The following ABCC11 variants were observed in gnomAD, a reference collection of about 807,000 sequenced individuals.
The protein encoded by ABCC11 is ATP-binding cassette sub-family C member 11.
ABCC11 carries 135 observed loss-of-function variants against 149.3 expected under a neutral mutation model. The observed-to-expected ratio is 0.90, with a 90% CI of 0.79 to 1.04. The LOEUF is 1.04. Among genes scored for constraint, ABCC11 ranks in the 50% least tolerant of loss-of-function variants. The pLI is 0.00. For missense variants in ABCC11, 1,680 were observed against 1,722.1 expected, an observed-to-expected ratio of 0.98 and a Z score of 0.43; for synonymous variants, 665 against 671.4, an observed-to-expected ratio of 0.99 and a Z score of 0.15.
At position 48,178,681 on chromosome 16, in the gene ABCC11, C is replaced by G. The variant is rs138522850; in HGVS notation, c.3264G>C (p.Ala1088=). 8 of 1,614,150 alleles carry G rather than the reference C, an allele frequency of 5.0e-6. No individual in the cohort carries two copies. Among genetic ancestry groups the G allele is most frequent in the Non-Finnish European group, 6.8e-6 (8 of 1,180,006 alleles). ...VMAVNIVLQL[A]SSFQATARIG... The stretch of plus-strand genomic sequence containing the variant: ...TCCGGGCAGTGGCCTGGAAGCTGGA[C>G]GCCAGCTAGAAGGAAGGAGAAGTAT... The change falls in exon 24 of 30, where the codon GCG becomes GCC. Residue 1088 remains alanine, a synonymous_variant. Coordinates refer to ENST00000356608, the MANE Select transcript of ABCC11 (RefSeq NM_001370497.1).
chr16:48,205,276 A>G, intron 13 of ABCC11, 137 bp downstream of exon 13: 2 of 1,283,016 alleles, frequency 1.6e-6, no homozygotes, highest in East Asian at 2.5e-5. Flanking sequence ...TTTCTTTCAC[A>G]GTGAGGGGTG....
intron 28 of ABCC11, 92 bp downstream of exon 28, chr16:48,170,013 C>T: frequency 1.1e-6 from 1 of 917,826 alleles, no homozygotes; most frequent in Admixed American, 2.1e-5. Flanking sequence ...GCCCAGTGTC[C>T]CACGGTAGTG....
rs200450927 is a variant in ABCC11, at chr16:48,184,480, G to T, written c.3218C>A (p.Pro1073His). 2.5e-6 allele frequency: 4 copies of T among 1,614,210 alleles called. No individual in the cohort carries two copies. Among genetic ancestry groups the T allele is most frequent in the Admixed American group, 3.3e-5 (2 of 60,032 alleles). ...LFVAFGISST[P>H]YSFKVMAVNI... ...GACAGCCATGACTTTAAAGGAGTAGGGGGTGGAGGAAATGCCAAAAGCCAC... is the reference window on the plus strand; with the variant it reads ...GACAGCCATGACTTTAAAGGAGTAGTGGGTGGAGGAAATGCCAAAAGCCAC... Residue 1073 changes from proline to histidine, a missense_variant, in exon 23 of 30, where the codon CCC (proline) becomes CAC (histidine). Transcript: ENST00000356608.
intron 1 of ABCC11, among the ~76,000 whole-genome samples, chr16:48,235,514 G>A (rs1221550179): frequency 1.3e-5 from 2 of 152,146 alleles, no homozygotes; most frequent in Admixed American, 6.5e-5. Context: ...AACATCAGTC[G>A]CTCATCCCAA....
intron 19 of ABCC11, 120 bp from the exon 20 acceptor site, chr16:48,192,837 C>T: frequency 4.1e-6 from 4 of 976,294 alleles, no homozygotes; most frequent in Non-Finnish European, 6.3e-6. Context: ...GCTGTTTGCC[C>T]AAACCTCCCT....
intron 1 of ABCC11, among the ~76,000 whole-genome samples, chr16:48,246,307 T>C (rs1971382898): frequency 6.6e-6 from 1 of 152,200 alleles, no homozygotes; most frequent in Non-Finnish European, 1.5e-5. Flanking sequence ...TTTGATAAAT[T>C]GTATTGGATT....
intron 2 of ABCC11, among the ~76,000 whole-genome samples, chr16:48,231,118 A>G (rs1193357138): frequency 1.3e-5 from 2 of 152,098 alleles, no homozygotes; most frequent in East Asian, 1.9e-4. Flanking sequence ...GGGGAATGAC[A>G]TGGGGGAAGA....
intron 1 of ABCC11, among the ~76,000 whole-genome samples, chr16:48,240,563 C>T (rs1240419430): frequency 6.6e-6 from 1 of 152,066 alleles, no homozygotes; most frequent in African/African-American, 2.4e-5. Context: ...GGAAGAAAAG[C>T]TAATGGATGC....
At chr16:48,197,822 C>G in intron 17 of ABCC11, 149 bp downstream of exon 17, 2 of 805,878 alleles carry the variant, frequency 2.5e-6, no homozygotes, top group South Asian at 3.5e-5. Flanking sequence ...CCCTCAACTA[C>G]TTGGTTCTGG....
At position 48,227,914 on chromosome 16, in the gene ABCC11, G is replaced by A. The variant is rs200527538; in HGVS notation, c.287C>T (p.Thr96Ile). Residue 96 changes from threonine (T) to isoleucine (I), a missense_variant, in exon 4 of 30, where the codon ACC (threonine) becomes ATC (isoleucine). Coordinates refer to ENST00000356608, the MANE Select transcript of ABCC11 (RefSeq NM_001370497.1). ...LDNAGLFSYL[T>I]VSWLTPLMIQ... is the part of the protein sequence containing the mutation. ...CATGAGCGGGGTGAGCCATGACACG[G>A]TGAGGTAGGAGAACAGGCCAGCATT... The A allele has an allele frequency of 3.1e-6, 5 of 1,614,120 alleles. No individual in the cohort carries two copies. In the African/African-American group the frequency reaches 5.3e-5, roughly 17 times the overall value.
At chr16:48,204,074 T>C (rs1481063384) in intron 13 of ABCC11, among the ~76,000 whole-genome samples, 1 of 152,266 alleles carries the variant, frequency 6.6e-6, no homozygotes, top group Admixed American at 6.5e-5. Context: ...CTTTTGCTCC[T>C]GTGAGCAATG....
At position 48,177,087 on chromosome 16, in the gene ABCC11, G is replaced by A. The variant is rs774525466; in HGVS notation, c.3375C>T (p.His1125=). ...MKMCVSEAPL[H]MEGTSCPQGW... is the part of the protein sequence containing the mutation. The stretch of plus-strand genomic sequence containing the variant: ...CCTGGGGACAACTTGTGCCTTCCAT[G>A]TGTAAAGGAGCTTCCGAGACACACA... The change falls in exon 25 of 30, where the codon CAC becomes CAT. Residue 1125 remains histidine (H), a synonymous_variant. Transcript: ENST00000356608. 1.9e-6 allele frequency: 3 copies of A among 1,612,414 alleles called. No individual in the cohort carries two copies. The South Asian group carries it at 3.3e-5, about 18-fold the overall frequency.
At chr16:48,175,687 G>A (rs975169527) in intron 25 of ABCC11, among the ~76,000 whole-genome samples, 4 of 152,214 alleles carry the variant, frequency 2.6e-5, no homozygotes, top group Admixed American at 2.6e-4. Context: ...TATACACAAT[G>A]TTAGGATTAT....
chr16:48,229,842 A>G (rs1970317992), intron 3 of ABCC11, among the ~76,000 whole-genome samples: 1 of 152,138 alleles, frequency 6.6e-6, no homozygotes, highest in African/African-American at 2.4e-5. Context: ...CCACACCCAC[A>G]TCACACAAGA....
chr16:48,228,553 G>A (rs537601343), intron 3 of ABCC11, among the ~76,000 whole-genome samples: 2 of 151,820 alleles, frequency 1.3e-5, no homozygotes, highest in African/African-American at 2.4e-5. Flanking sequence ...CCGAGATCAC[G>A]CCACTACCAC....
intron 12 of ABCC11, 47 bp from the exon 13 acceptor site, chr16:48,205,584 A>T (rs1471028028): frequency 6.2e-7 from 1 of 1,600,856 alleles, no homozygotes; most frequent in Admixed American, 1.7e-5. Flanking sequence ...GCCAAGGGAC[A>T]GAGCCTGCCT....
chr16:48,206,916 T>C (rs1191836520), intron 12 of ABCC11, among the ~76,000 whole-genome samples: 4 of 152,206 alleles, frequency 2.6e-5, no homozygotes, highest in Non-Finnish European at 4.4e-5. Flanking sequence ...TGCACAGGAC[T>C]TCGCATGTAA....
In ABCC11 at chr16:48,177,232, A is replaced by G. The variant is rs1390846782; in HGVS notation, c.3349-119T>C. 3 of 1,001,840 alleles carry G rather than the reference A, an allele frequency of 3.0e-6. No homozygotes were observed. The African/African-American group carries it at 4.9e-5, about 16-fold the overall frequency. 62.1% of individuals were successfully genotyped at this position (1,001,840 alleles called of 1,614,324 possible). A position where few individuals can be genotyped will look rare whatever the true frequency, so the allele number is the denominator to read the frequency against. ...ACCCACCCCAGCCTGCCTTGCGCCA[A>G]GGTCAAGCCCCCTGCTGTGTAATCA... On this transcript the variant is annotated intron_variant, in intron 24 of 29. Coordinates refer to ENST00000356608, the MANE Select transcript of ABCC11 (RefSeq NM_001370497.1).
At chr16:48,213,357 G>A in intron 10 of ABCC11, 86 bp downstream of exon 10, 29 of 1,205,472 alleles carry the variant, frequency 2.4e-5, no homozygotes, top group Non-Finnish European at 3.3e-5. Flanking sequence ...CTTGGCCAGG[G>A]GACGTGTTCT....
Sources: allele counts gnomAD v4.1 joint callset (sites outside exome capture counted in the v4.1 genomes callset), GRCh38; gene constraint gnomAD v4.1.1; transcripts MANE v1.5; gene names NCBI Gene and HGNC (gene_info 2026-07-23, HGNC 2026-07-21).